The following DHX32 variants were observed in gnomAD, a reference collection of about 807,000 sequenced individuals.
DHX32 encodes the protein putative pre-mRNA-splicing factor ATP-dependent RNA helicase DHX32.
Under a neutral mutation model 70.0 loss-of-function variants are expected in DHX32, and 51 were observed. The ratio of observed to expected loss-of-function variants is 0.73; its 90% CI spans 0.58 to 0.92. DHX32 has a LOEUF of 0.92. Among genes scored for constraint, DHX32 ranks in the 40% least tolerant of loss-of-function variants. The pLI, the probability that DHX32 is intolerant of heterozygous loss-of-function variation, is 0.00. For synonymous variants in DHX32, 310 were observed against 315.3 expected, an observed-to-expected ratio of 0.98 and a Z score of 0.18; for missense variants, 762 against 891.8, an observed-to-expected ratio of 0.85 and a Z score of 1.85.
At chr10:125,868,967 A>G (rs1462500393) in intron 1 of DHX32, among the ~76,000 whole-genome samples, 2 of 152,150 alleles carry the variant, frequency 1.3e-5, no homozygotes, top group Non-Finnish European at 2.9e-5. Context: ...AATGAGCTCT[A>G]AAAGCAGAGA....
At chr10:125,865,223 G>T (rs774008962) in intron 2 of DHX32, among the ~76,000 whole-genome samples, 2 of 152,264 alleles carry the variant, frequency 1.3e-5, no homozygotes, top group South Asian at 4.1e-4. Flanking sequence ...AGGGTCCTAT[G>T]TCTTGTCCTG....
Position 125,838,285 on chromosome 10 carries a change from G to T in DHX32, c.1984C>A (p.Pro662Thr). The T allele has an allele frequency of 6.2e-7, 1 of 1,613,800 alleles. No individual in the cohort carries two copies. Among genetic ancestry groups the T allele is most frequent in the Non-Finnish European group, 8.5e-7 (1 of 1,179,952 alleles). Residue 662 changes from proline (P) to threonine (T), a missense_variant, in exon 10 of 11, where the codon CCA (proline) becomes ACA (threonine). This residue lies in a region of DHX32 where 366 missense variants were observed against 402.6 expected (regional missense o/e 0.91). Coordinates refer to ENST00000284690, the MANE Select transcript of DHX32 (RefSeq NM_018180.3). The part of the protein sequence containing the change: ...LSGYSITKKM[P>T]EWVLFHKFSI... ...AATTTATGGAAGAGGACCCACTCTG[G>T]CATCTTCTTGGTGATTGAGTAACCA...
At chr10:125,859,575 C>T in intron 3 of DHX32, 28 bp downstream of exon 3, 1 of 1,529,766 alleles carries the variant, frequency 6.5e-7, no homozygotes, top group Non-Finnish European at 8.8e-7. Flanking sequence ...TACCTTATTA[C>T]TGTAAGGTTA....
intron 6 of DHX32, 97 bp from the exon 7 acceptor site, chr10:125,842,031 A>C: frequency 7.3e-7 from 1 of 1,367,474 alleles, no homozygotes; most frequent in Non-Finnish European, 9.5e-7. Flanking sequence ...CAAGCAAACA[A>C]TGGACAAAAT....
intron 1 of DHX32, among the ~76,000 whole-genome samples, chr10:125,871,779 G>T (rs1007614851): frequency 5.3e-5 from 8 of 152,022 alleles, no homozygotes; most frequent in South Asian, 2.1e-4. Context: ...GCTTTACAAA[G>T]AACTCTTGCC....
intron 6 of DHX32, among the ~76,000 whole-genome samples, chr10:125,851,322 C>A (rs754914091): frequency 6.6e-6 from 1 of 152,158 alleles, no homozygotes; most frequent in Non-Finnish European, 1.5e-5. Flanking sequence ...TAAATTGTTA[C>A]CCTAACCCTT....
chr10:125,850,975 G>C (rs1225951892), intron 6 of DHX32, among the ~76,000 whole-genome samples: 1 of 152,184 alleles, frequency 6.6e-6, no homozygotes, highest in African/African-American at 2.4e-5. Flanking sequence ...CTACCCCAAT[G>C]GACAGTGACT....
chr10:125,883,875 T>C (rs1295502202), upstream of DHX32, among the ~76,000 whole-genome samples: 1 of 152,212 alleles, frequency 6.6e-6, no homozygotes, highest in African/African-American at 2.4e-5. Flanking sequence ...GGAGCCCTGC[T>C]CTTCCCTGGG....
At chr10:125,850,207 C>A (rs1312587964) in intron 6 of DHX32, among the ~76,000 whole-genome samples, 1 of 151,650 alleles carries the variant, frequency 6.6e-6, no homozygotes, top group African/African-American at 2.4e-5. Flanking sequence ...GAATTCCTGG[C>A]CCTCAAGCAG....
At chr10:125,860,778 T>TA (rs1944182372) in intron 2 of DHX32, among the ~76,000 whole-genome samples, 1 of 114,690 alleles carries the variant, frequency 8.7e-6, no homozygotes, top group South Asian at 2.9e-4. Context: ...TTTTTTGAGA[T>TA]AGAGTCTCGC....
Position 125,857,433 on chromosome 10 carries a change from C to T in DHX32, c.849+2170G>A, listed in dbSNP as rs139072870. Among the ~76,000 whole-genome samples, 57 of 152,318 alleles carry T rather than the reference C, an allele frequency of 3.7e-4. No homozygotes were observed. The East Asian group carries it at 7.9e-3, about 21-fold the overall frequency. On this transcript the variant is annotated intron_variant, in intron 3 of 10. Transcript: ENST00000284690. The stretch of plus-strand genomic sequence containing the variant: ...GAGCCCCTGAACAATGAGGAGCTCA[C>T]CTTTAGAGGGTCCAGTGCTCCGCCT...
At chr10:125,860,525 A>G (rs992597914) in intron 2 of DHX32, among the ~76,000 whole-genome samples, 42 of 152,146 alleles carry the variant, frequency 2.8e-4, no homozygotes, top group Admixed American at 2.0e-4. Flanking sequence ...TAATAAGCAA[A>G]CAGAAGGATC....
At chr10:125,864,929 CAAAAAAAAAAAAAAAAAAAAAAAAAA>C (rs61570718) in intron 2 of DHX32, among the ~76,000 whole-genome samples, 2 of 54,222 alleles carry the variant, frequency 3.7e-5, no homozygotes, top group Admixed American at 3.8e-4. Context: ...GACTCTGTCT[CAAAAAAAAAAAAAAAAAAAAAAAAAA>C]AAAAAAAAAA....
chr10:125,842,116 G>C, intron 6 of DHX32, 182 bp from the exon 7 acceptor site: 1 of 785,066 alleles, frequency 1.3e-6, no homozygotes, highest in Non-Finnish European at 1.9e-6. Flanking sequence ...GCAAACTCAG[G>C]AGGGGAGCCC....
chr10:125,893,864 A>AT (rs5788733), intron 1 of DHX32, among the ~76,000 whole-genome samples: 2 of 122,678 alleles, frequency 1.6e-5, no homozygotes, highest in Admixed American at 8.5e-5. Context: ...CATTTGCTAC[A>AT]TTTTTTATCA....
intron 1 of DHX32, among the ~76,000 whole-genome samples, chr10:125,889,609 C>T (rs529278998): frequency 1.7e-3 from 266 of 152,388 alleles, no homozygotes; most frequent in African/African-American, 6.3e-3. Context: ...TTAGTGACAT[C>T]GCCTATTTAC....
At chr10:125,841,032 T>C (rs756157234) in intron 7 of DHX32, 36 bp from the exon 8 acceptor site, 1 of 1,578,304 alleles carries the variant, frequency 6.3e-7, no homozygotes, top group Non-Finnish European at 8.6e-7. Flanking sequence ...TTAGCAATAA[T>C]GAAGACATTT....
At chr10:125,845,835 C>T (rs1426802603) in intron 6 of DHX32, among the ~76,000 whole-genome samples, 2 of 152,362 alleles carry the variant, frequency 1.3e-5, no homozygotes, top group Non-Finnish European at 2.9e-5. Flanking sequence ...GTGAGGCAGG[C>T]GGAGGCCAGC....
intron 1 of DHX32, among the ~76,000 whole-genome samples, chr10:125,871,955 C>T (rs149759704): frequency 0.025 from 3,799 of 151,548 alleles, 160 homozygotes; most frequent in African/African-American, 0.086. Context: ...CTCCGCCTCC[C>T]GGGTTCAAGC....
Sources: gnomAD v4.1 joint callset for allele counts (sites outside exome capture counted in the v4.1 genomes callset) on GRCh38, gnomAD v4.1.1 for gene constraint, gnomAD v4.1.1 regional missense constraint, MANE v1.5 for transcripts, NCBI Gene and HGNC (gene_info 2026-07-23, HGNC 2026-07-21) for gene names.